FANCA: variants seen among roughly 807,000 people sequenced by gnomAD.
FANCA encodes the protein FA complementation group A.
In FANCA, 236 loss-of-function variants were observed where a neutral mutation model predicts 194.3. The ratio of observed to expected loss-of-function variants is 1.21; its 90% CI spans 1.09 to 1.35. The LOEUF (loss-of-function observed/expected upper bound fraction) is 1.35. Among genes scored for constraint, FANCA ranks in the 40% most tolerant of loss-of-function variants. FANCA has a pLI of 0.00. For synonymous variants in FANCA, 1,014 were observed against 715.8 expected (o/e 1.42, Z -6.65); for missense variants, 2,628 against 1,813.9 (o/e 1.45, Z -8.15).
At chr16:89,758,794 C>G in intron 29 of FANCA, 89 bp from the exon 30 acceptor site, 1 of 1,583,484 alleles carries the variant, frequency 6.3e-7, no homozygotes, top group Non-Finnish European at 8.6e-7. Context: ...TAGTAAGGGA[C>G]ACACAGCACT....
intron 11 of FANCA, among the ~76,000 whole-genome samples, chr16:89,793,082 C>G (rs559014942): frequency 6.6e-6 from 1 of 152,140 alleles, no homozygotes; most frequent in East Asian, 1.9e-4. Flanking sequence ...GTTAGGCCTC[C>G]GGATAACTGT....
chr16:89,764,935 C>A lies in FANCA; in HGVS notation c.2733G>T (p.Trp911Cys). 1 of 1,614,196 alleles carries A rather than the reference C, an allele frequency of 6.2e-7. No homozygotes were observed. The highest frequency in any genetic ancestry group is 8.5e-7 in the Non-Finnish European group (1 of 1,180,038). ...ADWQRAALSL[W>C]THRTFREVLK... Reference sequence around the variant, plus strand: ...ACACCTCTCGGAAGGTTCTGTGTGTCCAGAGAGAGAGGGCAGCTCTCTGCC... The same window carrying A: ...ACACCTCTCGGAAGGTTCTGTGTGTACAGAGAGAGAGGGCAGCTCTCTGCC... Residue 911 changes from tryptophan (W) to cysteine (C), a missense_variant, in exon 28 of 43, where the codon TGG becomes TGT. Trp to Cys is a radical substitution (Grantham distance 215). Transcript: ENST00000389301.
intron 30 of FANCA, among the ~76,000 whole-genome samples, chr16:89,756,753 G>A (rs2038780193): frequency 6.6e-6 from 1 of 151,734 alleles, no homozygotes; most frequent in African/African-American, 2.4e-5. Flanking sequence ...TAAAGGCTGG[G>A]GAAGCTGGAA....
chr16:89,767,303 C>T, intron 26 of FANCA, 66 bp from the exon 27 acceptor site: 1 of 1,163,864 alleles, frequency 8.6e-7, no homozygotes. Flanking sequence ...GAAAAAGTTA[C>T]TTTGAATTTC....
At chr16:89,803,205 T>G (rs1054478132) in intron 8 of FANCA, 54 bp downstream of exon 8, 12 of 1,522,926 alleles carry the variant, frequency 7.9e-6, no homozygotes, top group African/African-American at 2.7e-5. Context: ...ATTTCAACAC[T>G]TGGAATAAGG....
intron 39 of FANCA, 145 bp from the exon 40 acceptor site, chr16:89,739,698 C>A: frequency 6.6e-7 from 1 of 1,513,918 alleles, no homozygotes; most frequent in Non-Finnish European, 8.9e-7. Flanking sequence ...CTGAGGATAC[C>A]CAGGTACCTG....
At chr16:89,813,377 C>T (rs531218168) in intron 3 of FANCA, among the ~76,000 whole-genome samples, 32 of 149,680 alleles carry the variant, frequency 2.1e-4, no homozygotes, top group Admixed American at 1.4e-3. Flanking sequence ...CACGGCTCTC[C>T]AGTCCAGGCA....
rs551306400 is a variant in FANCA, at chr16:89,739,551, G to A, written c.3937C>T (p.Leu1313Phe). The stretch of plus-strand genomic sequence containing the variant: ...CGGAGGAGGAGCCGCCCCAGCCTGA[G>A]GTCTGCAACACCAAGAAGTGGCTCA... ...LALFQLTESD[L>F]RLGRLLLRVA... Residue 1313 changes from leucine (L) to phenylalanine (F), a missense_variant and splice_region_variant, in exon 40 of 43, where the codon CTC becomes TTC. Transcript: ENST00000389301. The A allele has an allele frequency of 7.1e-6, 11 of 1,551,202 alleles. No homozygotes were observed. Among genetic ancestry groups the A allele is most frequent in the Middle Eastern group, 1.7e-4 (1 of 5,978 alleles).
chr16:89,761,765 T>G (rs957498219), intron 29 of FANCA, among the ~76,000 whole-genome samples, 184 bp downstream of exon 29: 1 of 152,142 alleles, frequency 6.6e-6, no homozygotes, highest in African/African-American at 2.4e-5. Flanking sequence ...CTGTGATGAC[T>G]GGAACGTGCC....
intron 8 of FANCA, among the ~76,000 whole-genome samples, chr16:89,802,182 C>A (rs1052086321): frequency 6.6e-6 from 1 of 152,114 alleles, no homozygotes; most frequent in Non-Finnish European, 1.5e-5. Flanking sequence ...TGGCTCACTG[C>A]AACCTCCGCC....
At position 89,784,858 on chromosome 16, in the gene FANCA, A is replaced by G; in HGVS notation, c.1466T>C (p.Leu489Pro). The change falls in exon 15 of 43, where the codon CTG (leucine) becomes CCG (proline). Residue 489 changes from leucine to proline, a missense_variant. Physicochemically the swap from Leu to Pro is moderately conservative, Grantham distance 98. Transcript: ENST00000389301. ...ELVPFESPRY[L>P]QVHILHPPLV... ...ATGTGGCAGCCAGCTTCTCACCTGC[A>G]GGTACCGGGGAGACTCAAAAGGCAC... 1 of 1,609,048 alleles carries G rather than the reference A, an allele frequency of 6.2e-7. No individual in the cohort carries two copies. The highest frequency in any genetic ancestry group is 8.5e-7 in the Non-Finnish European group (1 of 1,175,320).
At chr16:89,777,502 G>T (rs546678295) in intron 20 of FANCA, among the ~76,000 whole-genome samples, 74 of 151,842 alleles carry the variant, frequency 4.9e-4, no homozygotes, top group African/African-American at 1.7e-3. Context: ...GAGGTGGGTG[G>T]ATCACAAGAT....
intron 10 of FANCA, among the ~76,000 whole-genome samples, chr16:89,797,177 A>C (rs1412555547): frequency 2.6e-5 from 4 of 151,956 alleles, no homozygotes; most frequent in African/African-American, 9.7e-5. Flanking sequence ...GAAAAATAAA[A>C]AAAATTAGCC....
intron 33 of FANCA, among the ~76,000 whole-genome samples, 153 bp from the exon 34 acceptor site, chr16:89,747,043 G>C (rs754238295): frequency 6.6e-6 from 1 of 152,224 alleles, no homozygotes; most frequent in African/African-American, 2.4e-5. Flanking sequence ...GACCGGGCCT[G>C]GCGCCCTGGC....
intron 30 of FANCA, among the ~76,000 whole-genome samples, chr16:89,758,166 C>T (rs187526342): frequency 1.3e-5 from 2 of 152,252 alleles, no homozygotes; most frequent in Admixed American, 1.3e-4. Context: ...CCGAAGTTGT[C>T]GCTTCTGACA....
rs764284226 is a variant in FANCA, at chr16:89,783,116, G to A, written c.1471-14C>T. The A allele has an allele frequency of 1.3e-6, 2 of 1,589,964 alleles. No homozygotes were observed. The highest frequency in any genetic ancestry group is 1.7e-6 in the Non-Finnish European group (2 of 1,158,880). The stretch of plus-strand genomic sequence containing the variant: ...GAGAATGTGCACCTGAGGATAGATA[G>A]CAGAGCGCAGCACCGTTAGTCTGGG... On this transcript the variant is annotated splice_polypyrimidine_tract_variant and intron_variant, in intron 15 of 42. Transcript: ENST00000389301.
chr16:89,790,843 T>C (rs2040045837), intron 14 of FANCA, among the ~76,000 whole-genome samples: 1 of 151,966 alleles, frequency 6.6e-6, no homozygotes, highest in Non-Finnish European at 1.5e-5. Flanking sequence ...CTTTTTTTTC[T>C]TTTTGGGATG....
intron 2 of FANCA, among the ~76,000 whole-genome samples, chr16:89,815,474 G>C (rs1044696897): frequency 1.3e-5 from 2 of 149,994 alleles, no homozygotes; most frequent in African/African-American, 4.9e-5. Context: ...TCCTGCCTCA[G>C]GCTCCCGAGT....
At position 89,739,231 on chromosome 16, in the gene FANCA, C is replaced by T. The variant is rs1456500627; in HGVS notation, c.4069G>A (p.Ala1357Thr). ...ACCAGCTTCAAGTACATGTCCACAG[C>T]AACATGCAGGAAGGCCTCTTCCCTG... ...AIREEAFLHV[A>T]VDMYLKLVQL... Residue 1357 changes from alanine to threonine, a missense_variant, in exon 41 of 43, where the codon GCT becomes ACT. Physicochemically the swap from Ala to Thr is moderately conservative, Grantham distance 58 (BLOSUM62 0). Transcript: ENST00000389301. 6.2e-7 allele frequency: 1 copy of T among 1,614,172 alleles called. No homozygotes were observed. Among genetic ancestry groups the T allele is most frequent in the Non-Finnish European group, 8.5e-7 (1 of 1,180,032 alleles).
Sources: allele counts gnomAD v4.1 joint callset (sites outside exome capture counted in the v4.1 genomes callset), GRCh38; gene constraint gnomAD v4.1.1; transcripts MANE v1.5; gene names NCBI Gene and HGNC (gene_info 2026-07-23, HGNC 2026-07-21).